The following MMRN1 variants were observed in gnomAD, a reference collection of about 807,000 sequenced individuals.
The protein encoded by MMRN1 is multimerin 1, also known as multimerin-1.
MMRN1 carries 94 observed loss-of-function variants against 100.7 expected under a neutral mutation model. The ratio of observed to expected loss-of-function variants is 0.93; its 90% CI spans 0.79 to 1.11. MMRN1 has a LOEUF of 1.11. Among genes scored for constraint, MMRN1 ranks in the 50% least tolerant of loss-of-function variants. MMRN1 has a pLI of 0.00. For missense variants in MMRN1, 1,606 were observed against 1,439.1 expected, an observed-to-expected ratio of 1.12 and a Z score of -1.88; for synonymous variants, 575 against 505.0, an observed-to-expected ratio of 1.14 and a Z score of -1.86.
chr4:89,949,340 C>T (rs986969602), intron 6 of MMRN1, among the ~76,000 whole-genome samples: 2 of 152,108 alleles, frequency 1.3e-5, no homozygotes, highest in African/African-American at 2.4e-5. Context: ...TAGTGTTCCC[C>T]CCAACTCTAC....
intron 1 of MMRN1, among the ~76,000 whole-genome samples, chr4:89,907,313 A>G (rs1487462936): frequency 6.6e-6 from 1 of 151,700 alleles, no homozygotes; most frequent in Non-Finnish European, 1.5e-5. Context: ...TAAACATCAC[A>G]TTCAAAAGAA....
At chr4:89,905,628 G>A (rs1160561069) in intron 1 of MMRN1, among the ~76,000 whole-genome samples, 3 of 151,494 alleles carry the variant, frequency 2.0e-5, no homozygotes, top group Non-Finnish European at 4.4e-5. Flanking sequence ...TTAATTTTCA[G>A]AAGCAGCTAT....
chr4:89,938,560 G>C (rs67212195), intron 6 of MMRN1, among the ~76,000 whole-genome samples: 15,115 of 145,460 alleles, frequency 0.1, 1,064 homozygotes, highest in East Asian at 0.28. Flanking sequence ...AATTGAAATA[G>C]CCTCAAATAA....
At chr4:89,928,969 A>G (rs546900578) in intron 5 of MMRN1, among the ~76,000 whole-genome samples, 2 of 152,272 alleles carry the variant, frequency 1.3e-5, no homozygotes, top group South Asian at 2.1e-4. Flanking sequence ...TTGTTATGAT[A>G]GTGTTATACA....
At chr4:89,904,792 T>C (rs1485236432) in intron 1 of MMRN1, among the ~76,000 whole-genome samples, 1 of 151,686 alleles carries the variant, frequency 6.6e-6, no homozygotes, top group Non-Finnish European at 1.5e-5. Context: ...CTCTGACTAG[T>C]GTTGCTATCT....
Position 89,895,342 on chromosome 4 carries a change from A to G in MMRN1, c.371A>G (p.Lys124Arg), listed in dbSNP as rs773345022. The G allele has an allele frequency of 8.1e-6, 13 of 1,613,868 alleles. No individual in the cohort carries two copies. The South Asian group carries it at 1.1e-4, about 14-fold the overall frequency. ...NLTLPTNASI[K>R]FNPGAESVVL... The stretch of plus-strand genomic sequence containing the variant: ...ACCCTCCCAACCAACGCTAGCATCA[A>G]GTTCAATCCTGGAGCAGAATCAGTG... Residue 124 changes from lysine to arginine, a missense_variant, in exon 1 of 8, where the codon AAG becomes AGG. Lys to Arg is a conservative substitution (Grantham distance 26). Coordinates refer to ENST00000264790, the MANE Select transcript of MMRN1 (RefSeq NM_007351.3).
At position 89,909,341 on chromosome 4, in the gene MMRN1, A is replaced by G; in HGVS notation, c.689A>G (p.Tyr230Cys). ...GTGATATTGGACAACCAGGTCACTT[A>G]TGTCCCAGGTGGGAAAGGACCTTGT... The part of the protein sequence containing the change: ...PTVILDNQVT[Y>C]VPGGKGPCGW... The change falls in exon 2 of 8, where the codon TAT becomes TGT. Residue 230 changes from tyrosine (Y) to cysteine (C), a missense_variant. Physicochemically the swap from Tyr to Cys is radical, Grantham distance 194. Coordinates refer to ENST00000264790, the MANE Select transcript of MMRN1 (RefSeq NM_007351.3). The G allele has an allele frequency of 1.2e-6, 2 of 1,610,082 alleles. No homozygotes were observed. The highest frequency in any genetic ancestry group is 8.5e-7 in the Non-Finnish European group (1 of 1,177,412).
At chr4:89,883,165 T>C (rs11941682) in intron 1 of MMRN1, among the ~76,000 whole-genome samples, 2 of 151,784 alleles carry the variant, frequency 1.3e-5, no homozygotes, top group African/African-American at 2.4e-5. Flanking sequence ...TTATATCTTC[T>C]TCTCTTGATA....
At chr4:89,950,324 T>C (rs983256507) in intron 6 of MMRN1, among the ~76,000 whole-genome samples, 2 of 152,176 alleles carry the variant, frequency 1.3e-5, no homozygotes, top group African/African-American at 2.4e-5. Context: ...TTTGTGCACA[T>C]GGACAAGTAT....
upstream of MMRN1, among the ~76,000 whole-genome samples, chr4:89,892,323 C>T (rs535215833): frequency 1.3e-5 from 2 of 149,324 alleles, no homozygotes; most frequent in East Asian, 3.9e-4. Context: ...TGACAGGGTC[C>T]AGTTATACAA....
In MMRN1 at chr4:89,924,714, T is replaced by G. The variant is rs1722193191; in HGVS notation, c.955+1442T>G. On this transcript the variant is annotated intron_variant, in intron 4 of 7. Coordinates refer to ENST00000264790, the MANE Select transcript of MMRN1 (RefSeq NM_007351.3). Reference sequence around the variant, plus strand: ...AAAAAATTAGTCTAACGTGGTGGTGTGTGCCTGTAATCCTAGCTACTTGGG... The same window carrying G: ...AAAAAATTAGTCTAACGTGGTGGTGGGTGCCTGTAATCCTAGCTACTTGGG... Among the ~76,000 whole-genome samples the G allele has an allele frequency of 2.6e-5, 4 of 152,024 alleles. No homozygotes were observed. In the Middle Eastern group the frequency reaches 0.014, roughly 517 times the overall value.
chr4:89,935,206 CTCTT>C lies in MMRN1; in HGVS notation c.1530_1533del (p.Ser511AsnfsTer2). 1 of 1,613,356 alleles carries C rather than the reference CTCTT, an allele frequency of 6.2e-7. No homozygotes were observed. Among genetic ancestry groups the C allele is most frequent in the Non-Finnish European group, 8.5e-7 (1 of 1,179,674 alleles). On this transcript the variant is annotated frameshift_variant, in exon 6 of 8. Coordinates refer to ENST00000264790, the MANE Select transcript of MMRN1 (RefSeq NM_007351.3). LOFTEE classifies it high-confidence loss of function. ...CTGTATTATGAATCCCTCAATAAAA[CTCTT>C]TCTAAATTGAAGGAAGTACATGAGC...
chr4:89,947,378 G>A (rs1003815264), intron 6 of MMRN1, among the ~76,000 whole-genome samples: 1 of 152,138 alleles, frequency 6.6e-6, no homozygotes, highest in African/African-American at 2.4e-5. Flanking sequence ...TGAGAAACTG[G>A]GAAGAAGGTT....
In MMRN1 at chr4:89,951,752, G is replaced by T. The variant is rs769561719; in HGVS notation, c.3265+1G>T. 4 of 1,609,466 alleles carry T rather than the reference G, an allele frequency of 2.5e-6. No individual in the cohort carries two copies. The highest frequency in any genetic ancestry group is 3.4e-6 in the Non-Finnish European group (4 of 1,178,334). The stretch of plus-strand genomic sequence containing the variant: ...GTGGAAGAAAATGCTTTAGCTCCAG[G>T]TAAAAAAAAAGTATACGCATCTTTG... On this transcript the variant is annotated splice_donor_variant, in intron 7 of 7. Coordinates refer to ENST00000264790, the MANE Select transcript of MMRN1 (RefSeq NM_007351.3). LOFTEE classifies it high-confidence loss of function.
intron 1 of MMRN1, among the ~76,000 whole-genome samples, chr4:89,884,696 A>C (rs1416470888): frequency 1.3e-5 from 2 of 152,152 alleles, no homozygotes; most frequent in African/African-American, 4.8e-5. Context: ...TCCTGGGCTC[A>C]AGTGATCCTC....
chr4:89,885,161 CCTTTCTCT>C (rs1003382524), intron 1 of MMRN1, among the ~76,000 whole-genome samples: 6 of 122,178 alleles, frequency 4.9e-5, no homozygotes, highest in Admixed American at 2.7e-4. Flanking sequence ...CTTCTTTTTT[CCTTTCTCT>C]CTTTCTCTTT....
Position 89,895,198 on chromosome 4 carries a change from A to G in MMRN1, c.227A>G (p.Asp76Gly). 6.2e-7 allele frequency: 1 copy of G among 1,613,888 alleles called. No individual in the cohort carries two copies. Among genetic ancestry groups the G allele is most frequent in the Non-Finnish European group, 8.5e-7 (1 of 1,179,926 alleles). ...ATTPEARTSEDSLLKSTLPPS... is the reference protein window; with the variant it reads ...ATTPEARTSEGSLLKSTLPPS... ...ACTCCAGAGGCAAGAACTTCTGAAG[A>G]CAGTCTTCTTAAATCAACACTGCCT... The change falls in exon 1 of 8, where the codon GAC becomes GGC. Residue 76 changes from aspartate to glycine, a missense_variant. By Grantham distance (94) the Asp-to-Gly change is moderately conservative (BLOSUM62 -1). Coordinates refer to ENST00000264790, the MANE Select transcript of MMRN1 (RefSeq NM_007351.3).
chr4:89,931,491 G>GT (rs1445899862), intron 5 of MMRN1, among the ~76,000 whole-genome samples: 2 of 150,486 alleles, frequency 1.3e-5, no homozygotes, highest in Non-Finnish European at 1.5e-5. Flanking sequence ...GCATTGTATT[G>GT]TGTGTATTTT....
chr4:89,950,617 G>A (rs1193889925), intron 6 of MMRN1, among the ~76,000 whole-genome samples: 2 of 152,036 alleles, frequency 1.3e-5, no homozygotes, highest in African/African-American at 4.8e-5. Context: ...AACTTTTAGT[G>A]ACCTTTTGTG....
Sources: allele counts gnomAD v4.1 joint callset (sites outside exome capture counted in the v4.1 genomes callset), GRCh38; gene constraint gnomAD v4.1.1; transcripts MANE v1.5; gene names NCBI Gene and HGNC (gene_info 2026-07-23, HGNC 2026-07-21).